S100A9: variants seen among roughly 807,000 people sequenced by gnomAD.
S100A9 encodes the protein S100 calcium binding protein A9.
Under a neutral mutation model 4.3 loss-of-function variants are expected in S100A9, and 2 were observed. The observed-to-expected ratio is 0.47, with a 90% CI of 0.19 to 1.48. The LOEUF (loss-of-function observed/expected upper bound fraction) is 1.48. Ranked by LOEUF, S100A9 falls within the 40% of genes most tolerant of loss-of-function variation. The pLI, the probability that S100A9 is intolerant of heterozygous loss-of-function variation, is 0.24. For synonymous variants in S100A9, 67 were observed against 54.0 expected (o/e 1.24, Z -1.06); for missense variants, 130 against 144.4 (o/e 0.90, Z 0.51).
At chr1:153,360,435 G>A (rs563106820) in intron 2 of S100A9, among the ~76,000 whole-genome samples, 5 of 152,340 alleles carry the variant, frequency 3.3e-5, no homozygotes, top group African/African-American at 7.2e-5. Context: ...CCAAGTCACA[G>A]GGTCATGGAG....
Position 153,358,316 on chromosome 1 carries a change from C to T in S100A9, c.33C>T (p.Asn11=). 1 of 1,611,620 alleles carries T rather than the reference C, an allele frequency of 6.2e-7. No individual in the cohort carries two copies. The highest frequency in any genetic ancestry group is 1.1e-5 in the South Asian group (1 of 90,822). The part of the protein sequence containing the change: MTCKMSQLER[N]IETIINTFHQ... ...GCAAAATGTCGCAGCTGGAACGCAA[C>T]ATAGAGACCATCATCAACACCTTCC... is the stretch of plus-strand genomic sequence containing the variant. The change falls in exon 2 of 3, where the codon AAC becomes AAT. Residue 11 remains asparagine, a synonymous_variant. Coordinates refer to ENST00000368738, the MANE Select transcript of S100A9 (RefSeq NM_002965.4).
chr1:153,360,737 C>T lies in S100A9; in HGVS notation c.244C>T (p.Leu82=), dbSNP rs887302581. The T allele has an allele frequency of 6.2e-7, 1 of 1,614,040 alleles. No individual in the cohort carries two copies. Among genetic ancestry groups the T allele is most frequent in the Non-Finnish European group, 8.5e-7 (1 of 1,179,866 alleles). The stretch of plus-strand genomic sequence containing the variant: ...GCTGAGCTTCGAGGAGTTCATCATG[C>T]TGATGGCGAGGCTAACCTGGGCCTC... The part of the protein sequence containing the change: ...KQLSFEEFIM[L]MARLTWASHE... The change falls in exon 3 of 3, where the codon CTG becomes TTG. Residue 82 remains leucine (L), a synonymous_variant. Coordinates refer to ENST00000368738, the MANE Select transcript of S100A9 (RefSeq NM_002965.4).
chr1:153,358,438 G>A lies in S100A9; in HGVS notation c.150+5G>A, dbSNP rs879180086. 7 of 1,597,514 alleles carry A rather than the reference G, an allele frequency of 4.4e-6. No individual in the cohort carries two copies. Among genetic ancestry groups the A allele is most frequent in the Non-Finnish European group, 6.0e-6 (7 of 1,169,870 alleles). ...GATCTGCAAAATTTTCTCAAGGTAGGGCTGGACTCTGGCAGGTCTGACCCA... is the reference window on the plus strand; with the variant it reads ...GATCTGCAAAATTTTCTCAAGGTAGAGCTGGACTCTGGCAGGTCTGACCCA... On this transcript the variant is annotated splice_donor_5th_base_variant and intron_variant, in intron 2 of 2. Coordinates refer to ENST00000368738, the MANE Select transcript of S100A9 (RefSeq NM_002965.4).
rs181621234 is a variant in S100A9, at chr1:153,358,220, G to C, written c.-15-49G>C. 28 of 1,318,398 alleles carry C rather than the reference G, an allele frequency of 2.1e-5. No individual in the cohort carries two copies. The East Asian group carries it at 6.5e-4, about 30-fold the overall frequency. 81.7% of individuals were successfully genotyped at this position (1,318,398 alleles called of 1,614,324 possible). ...TTAGTAGGAAGTGTCAAAGAAGCTT[G>C]ACAGCATTTTCTTCTAAGTGTCCCA... On this transcript the variant is annotated intron_variant, in intron 1 of 2. Transcript: ENST00000368738.
At position 153,358,348 on chromosome 1, in the gene S100A9, A is replaced by G; in HGVS notation, c.65A>G (p.Tyr22Cys). 3.7e-6 allele frequency: 6 copies of G among 1,612,906 alleles called. No homozygotes were observed. The highest frequency in any genetic ancestry group is 5.1e-6 in the Non-Finnish European group (6 of 1,179,244). Residue 22 changes from tyrosine to cysteine, a missense_variant, in exon 2 of 3, where the codon TAC becomes TGC. Tyr to Cys is a radical substitution (Grantham distance 194). Coordinates refer to ENST00000368738, the MANE Select transcript of S100A9 (RefSeq NM_002965.4). Reference protein sequence around the residue: ...IETIINTFHQYSVKLGHPDTL... With the variant: ...IETIINTFHQCSVKLGHPDTL... ...ACCATCATCAACACCTTCCACCAAT[A>G]CTCTGTGAAGCTGGGGCACCCAGAC...
Position 153,359,542 on chromosome 1 carries a change from G to A in S100A9, c.151-1102G>A, listed in dbSNP as rs531119635. The stretch of plus-strand genomic sequence containing the variant: ...GGATGGGCTGCACAGGAGAGTGCTC[G>A]CATTGGCTGGGTACCCCACAGGTTC... On this transcript the variant is annotated intron_variant, in intron 2 of 2. Transcript: ENST00000368738. Among the ~76,000 whole-genome samples the A allele has an allele frequency of 6.6e-5, 10 of 152,078 alleles. No individual in the cohort carries two copies. In the East Asian group the frequency reaches 9.6e-4, roughly 15 times the overall value.
chr1:153,359,383 G>A (rs1367913062), intron 2 of S100A9, among the ~76,000 whole-genome samples: 2 of 152,136 alleles, frequency 1.3e-5, no homozygotes, highest in African/African-American at 4.8e-5. Flanking sequence ...GGTGGGGTAG[G>A]CAAGAAAGGG....
At chr1:153,358,019 A>G (rs1385277353) in intron 1 of S100A9, 138 bp downstream of exon 1, 3 of 279,052 alleles carry the variant, frequency 1.1e-5, no homozygotes, top group African/African-American at 2.2e-5. Context: ...CTTCTTTCAC[A>G]TTTTCTTAGG....
intron 2 of S100A9, 60 bp from the exon 3 acceptor site, chr1:153,360,584 G>T: frequency 8.8e-7 from 1 of 1,134,190 alleles, no homozygotes; most frequent in Non-Finnish European, 1.3e-6. Flanking sequence ...CATTTACTGT[G>T]CTCCCAGTCC....
rs781496198 is a variant in S100A9, at chr1:153,358,315, A to G, written c.32A>G (p.Asn11Ser). The G allele has an allele frequency of 5.0e-5, 80 of 1,611,464 alleles. No individual in the cohort carries two copies. The highest frequency in any genetic ancestry group is 6.7e-5 in the Non-Finnish European group (79 of 1,178,076). MTCKMSQLERNIETIINTFHQ... is the reference protein window; with the variant it reads MTCKMSQLERSIETIINTFHQ... ...TGCAAAATGTCGCAGCTGGAACGCAACATAGAGACCATCATCAACACCTTC... is the reference window on the plus strand; with the variant it reads ...TGCAAAATGTCGCAGCTGGAACGCAGCATAGAGACCATCATCAACACCTTC... The change falls in exon 2 of 3, where the codon AAC becomes AGC. Residue 11 changes from asparagine (N) to serine (S), a missense_variant. Coordinates refer to ENST00000368738, the MANE Select transcript of S100A9 (RefSeq NM_002965.4).
At chr1:153,358,461 C>A (rs373230783) in intron 2 of S100A9, 28 bp downstream of exon 2, 3 of 1,543,856 alleles carry the variant, frequency 1.9e-6, no homozygotes, top group Admixed American at 2.0e-5. Context: ...CAGGTCTGAC[C>A]CAGCCTCACC....
intron 2 of S100A9, among the ~76,000 whole-genome samples, chr1:153,360,060 T>A (rs1661420167): frequency 2.0e-5 from 3 of 152,026 alleles, no homozygotes; most frequent in Admixed American, 6.6e-5. Context: ...ACCCTCCATC[T>A]CCCCTGCCCA....
intron 1 of S100A9, 118 bp from the exon 2 acceptor site, chr1:153,358,151 G>A: frequency 1.6e-6 from 1 of 613,620 alleles, no homozygotes; most frequent in Non-Finnish European, 2.8e-6. Context: ...TGCAGCCTGT[G>A]CTTTCTTTTT....
At position 153,358,297 on chromosome 1, in the gene S100A9, T is replaced by C. The variant is rs1235690007; in HGVS notation, c.14T>C (p.Met5Thr). The C allele has an allele frequency of 6.3e-7, 1 of 1,599,306 alleles. No homozygotes were observed. The highest frequency in any genetic ancestry group is 8.5e-7 in the Non-Finnish European group (1 of 1,170,182). MTCK[M>T]SQLERNIETI... is the part of the protein sequence containing the mutation. The stretch of plus-strand genomic sequence containing the variant: ...GAGTGCAAGACGATGACTTGCAAAA[T>C]GTCGCAGCTGGAACGCAACATAGAG... The change falls in exon 2 of 3, where the codon ATG becomes ACG. Residue 5 changes from methionine to threonine, a missense_variant. Transcript: ENST00000368738.
intron 2 of S100A9, 105 bp from the exon 3 acceptor site, chr1:153,360,539 A>G (rs1177164039): frequency 4.1e-6 from 3 of 737,200 alleles, no homozygotes; most frequent in Non-Finnish European, 7.0e-6. Context: ...ATCCAGCCCC[A>G]GGGTGAGGCT....
At position 153,360,730 on chromosome 1, in the gene S100A9, C is replaced by A; in HGVS notation, c.237C>A (p.Phe79Leu). 6.2e-7 allele frequency: 1 copy of A among 1,614,054 alleles called. No homozygotes were observed. The highest frequency in any genetic ancestry group is 8.5e-7 in the Non-Finnish European group (1 of 1,179,886). The change falls in exon 3 of 3, where the codon TTC becomes TTA. Residue 79 changes from phenylalanine to leucine, a missense_variant. Phe to Leu is a conservative substitution (Grantham distance 22, BLOSUM62 0). Transcript: ENST00000368738. Reference sequence around the variant, plus strand: ...ACAAGCAGCTGAGCTTCGAGGAGTTCATCATGCTGATGGCGAGGCTAACCT... The same window carrying A: ...ACAAGCAGCTGAGCTTCGAGGAGTTAATCATGCTGATGGCGAGGCTAACCT... Reference protein sequence around the residue: ...NADKQLSFEEFIMLMARLTWA... With the variant: ...NADKQLSFEELIMLMARLTWA...
chr1:153,360,806 C>A lies in S100A9; in HGVS notation c.313C>A (p.His105Asn). The A allele has an allele frequency of 6.2e-7, 1 of 1,612,924 alleles. No individual in the cohort carries two copies. The highest frequency in any genetic ancestry group is 8.5e-7 in the Non-Finnish European group (1 of 1,179,372). The change falls in exon 3 of 3, where the codon CAT (histidine) becomes AAT (asparagine). Residue 105 changes from histidine (H) to asparagine (N), a missense_variant. Physicochemically the swap from His to Asn is moderately conservative, Grantham distance 68. Coordinates refer to ENST00000368738, the MANE Select transcript of S100A9 (RefSeq NM_002965.4). ...GGGTGACGAGGGCCCTGGCCACCAC[C>A]ATAAGCCAGGCCTCGGGGAGGGCAC... ...HEGDEGPGHH[H>N]KPGLGEGTP is the part of the protein sequence containing the mutation.
intron 2 of S100A9, among the ~76,000 whole-genome samples, chr1:153,359,408 C>T (rs1000538901): frequency 2.6e-5 from 4 of 152,122 alleles, no homozygotes; most frequent in Admixed American, 1.3e-4. Flanking sequence ...GCAGAGAGGC[C>T]GCATGGCAAA....
At chr1:153,358,244 C>T (rs1557838497) in intron 1 of S100A9, 25 bp from the exon 2 acceptor site, 1 of 1,490,274 alleles carries the variant, frequency 6.7e-7, no homozygotes, top group Non-Finnish European at 9.1e-7. Flanking sequence ...CTAAGTGTCC[C>T]AACTCTTGGT....
Sources: gnomAD v4.1 joint callset for allele counts (sites outside exome capture counted in the v4.1 genomes callset) on GRCh38, gnomAD v4.1.1 for gene constraint, MANE v1.5 for transcripts, NCBI Gene and HGNC (gene_info 2026-07-23, HGNC 2026-07-21) for gene names.